Variants in DPY19L2 observed in about 807,000 individuals in gnomAD.
DPY19L2 encodes the protein probable C-mannosyltransferase DPY19L2.
DPY19L2 carries 34 observed loss-of-function variants against 97.9 expected under a neutral mutation model. The observed-to-expected ratio is 0.35, with a 90% CI of 0.26 to 0.46. The LOEUF (loss-of-function observed/expected upper bound fraction) is 0.46, where lower values mean the gene tolerates loss of function less well. Among genes scored for constraint, DPY19L2 ranks in the 20% least tolerant of loss-of-function variants. DPY19L2 has a pLI of 1.00. For synonymous variants in DPY19L2, 230 were observed against 307.9 expected (o/e 0.75, Z 2.65); for missense variants, 623 against 911.4 (o/e 0.68, Z 4.07).
At chr12:63,659,609 T>C (rs1273648450) in intron 4 of DPY19L2, among the ~76,000 whole-genome samples, 2 of 152,122 alleles carry the variant, frequency 1.3e-5, no homozygotes, top group African/African-American at 2.4e-5. Flanking sequence ...CAGTGTGGTA[T>C]TGGCATAATT....
intron 18 of DPY19L2, among the ~76,000 whole-genome samples, chr12:63,581,612 T>G (rs558659724): frequency 6.7e-6 from 1 of 149,730 alleles, no homozygotes; most frequent in African/African-American, 2.5e-5. Context: ...GCCTCCTGAG[T>G]AGCTGGGATT....
At chr12:63,597,018 G>C (rs1197555338) in intron 14 of DPY19L2, among the ~76,000 whole-genome samples, 1 of 151,954 alleles carries the variant, frequency 6.6e-6, no homozygotes, top group Non-Finnish European at 1.5e-5. Context: ...TGTCACCCAG[G>C]CTGGAGTGCA....
At chr12:63,580,346 G>A (rs1880649702) in intron 19 of DPY19L2, among the ~76,000 whole-genome samples, 2 of 152,054 alleles carry the variant, frequency 1.3e-5, no homozygotes, top group South Asian at 4.1e-4. Context: ...CATTGTTATG[G>A]TTAAAATGCT....
At chr12:63,573,587 G>A (rs1480662810) in intron 19 of DPY19L2, among the ~76,000 whole-genome samples, 2 of 152,068 alleles carry the variant, frequency 1.3e-5, no homozygotes, top group Non-Finnish European at 2.9e-5. Context: ...CAAGCACAAG[G>A]TTATAGAACA....
In DPY19L2 at chr12:63,584,832, C is replaced by A. The variant is rs368278694; in HGVS notation, c.1581-996G>T. Among the ~76,000 whole-genome samples the A allele has an allele frequency of 5.3e-5, 8 of 152,330 alleles. No homozygotes were observed. The East Asian group carries it at 1.3e-3, about 26-fold the overall frequency. ...TGAAAGTTCTCAAAAGAAAAAACAT[C>A]ATATGCTGAGGTTGCTAAGATCTAC... On this transcript the variant is annotated intron_variant, in intron 16 of 21. Transcript: ENST00000324472.
intron 4 of DPY19L2, among the ~76,000 whole-genome samples, chr12:63,655,411 A>T (rs1894835373): frequency 6.6e-6 from 1 of 152,168 alleles, no homozygotes; most frequent in South Asian, 2.1e-4. Flanking sequence ...AAATTTGCAT[A>T]GTTTCATTCA....
In DPY19L2 at chr12:63,631,441, T is replaced by C. The variant is rs4304844; in HGVS notation, c.804-4915A>G. ...TCAGAGAATACTATAAACACCTCTA[T>C]GCAAATAAACTAGAAAATCTAGAAG... is the stretch of plus-strand genomic sequence containing the variant. On this transcript the variant is annotated intron_variant, in intron 6 of 21. Coordinates refer to ENST00000324472, the MANE Select transcript of DPY19L2 (RefSeq NM_173812.5). Among the ~76,000 whole-genome samples, 194 of 152,144 alleles carry C rather than the reference T, an allele frequency of 1.3e-3. 2 individuals are homozygous for C. The highest frequency in any genetic ancestry group is 2.4e-3 in the Non-Finnish European group (162 of 67,976).
At chr12:63,597,653 A>C (rs1168577241) in intron 14 of DPY19L2, among the ~76,000 whole-genome samples, 156 bp downstream of exon 14, 3 of 151,434 alleles carry the variant, frequency 2.0e-5, no homozygotes, top group East Asian at 3.9e-4. Flanking sequence ...TTTAACAGAC[A>C]AAAAAAACAA....
chr12:63,601,854 C>A (rs1885245979), intron 12 of DPY19L2, among the ~76,000 whole-genome samples: 2 of 151,996 alleles, frequency 1.3e-5, no homozygotes, highest in African/African-American at 4.8e-5. Flanking sequence ...AAAGACTATC[C>A]ATCACTACTG....
At position 63,617,320 on chromosome 12, in the gene DPY19L2, G is replaced by T. The variant is rs770177961; in HGVS notation, c.1202C>A (p.Ser401Tyr). The change falls in exon 11 of 22, where the codon TCT (serine) becomes TAT (tyrosine). Residue 401 changes from serine (S) to tyrosine (Y), a missense_variant. Physicochemically the swap from Ser to Tyr is moderately radical, Grantham distance 144 (BLOSUM62 -2). This residue lies in a region of DPY19L2 where 294 missense variants were observed against 446.2 expected (regional missense o/e 0.66). Coordinates refer to ENST00000324472, the MANE Select transcript of DPY19L2 (RefSeq NM_173812.5). ...AACACTTACCCACGTCATTAACAAA[G>T]ATGAAGAATAATAAGAAGATAAGTA... is the stretch of plus-strand genomic sequence containing the variant. ...SMYLSSYYSS[S>Y]LLMTWAIILK... The T allele has an allele frequency of 1.3e-6, 2 of 1,594,874 alleles. No homozygotes were observed. The highest frequency in any genetic ancestry group is 2.3e-5 in the South Asian group (2 of 88,786).
intron 4 of DPY19L2, among the ~76,000 whole-genome samples, chr12:63,651,019 A>G (rs1894141560): frequency 6.6e-6 from 1 of 152,180 alleles, no homozygotes; most frequent in South Asian, 2.1e-4. Flanking sequence ...CAAGGCTACA[A>G]TAACCAAAAC....
chr12:63,630,729 T>G (rs997031366), intron 6 of DPY19L2, among the ~76,000 whole-genome samples: 3 of 152,072 alleles, frequency 2.0e-5, no homozygotes, highest in African/African-American at 7.2e-5. Context: ...AATAGACATC[T>G]ACAGAACTCT....
intron 12 of DPY19L2, among the ~76,000 whole-genome samples, chr12:63,605,522 TAC>T (rs34205048): frequency 6.6e-6 from 1 of 152,138 alleles, no homozygotes; most frequent in Non-Finnish European, 1.5e-5. Context: ...CATGATTTCA[TAC>T]ACACACACGT....
chr12:63,648,811 A>C (rs1893787097), intron 4 of DPY19L2, among the ~76,000 whole-genome samples: 1 of 152,084 alleles, frequency 6.6e-6, no homozygotes, highest in Non-Finnish European at 1.5e-5. Flanking sequence ...TCAAGTGAAA[A>C]TCACTCATCA....
intron 4 of DPY19L2, among the ~76,000 whole-genome samples, chr12:63,653,690 A>G (rs1894584135): frequency 6.6e-6 from 1 of 152,184 alleles, no homozygotes; most frequent in Admixed American, 6.5e-5. Context: ...AAACAAATCC[A>G]CACTAAAACA....
chr12:63,583,973 T>C, intron 16 of DPY19L2, 137 bp from the exon 17 acceptor site: 1 of 621,400 alleles, frequency 1.6e-6, no homozygotes, highest in Non-Finnish European at 2.7e-6. Context: ...TACATAAAAA[T>C]AAAAATATCA....
chr12:63,662,491 T>C (rs1181602016), intron 3 of DPY19L2, among the ~76,000 whole-genome samples: 1 of 150,948 alleles, frequency 6.6e-6, no homozygotes, highest in Non-Finnish European at 1.5e-5. Flanking sequence ...AGGGAAATAT[T>C]AAATATATAA....
chr12:63,650,581 A>G (rs1228416743), intron 4 of DPY19L2, among the ~76,000 whole-genome samples: 1 of 152,074 alleles, frequency 6.6e-6, no homozygotes, highest in African/African-American at 2.4e-5. Context: ...AATAGCCACA[A>G]AAAAAGTAAT....
chr12:63,590,805 A>G (rs958204568), intron 16 of DPY19L2, among the ~76,000 whole-genome samples: 1 of 152,056 alleles, frequency 6.6e-6, no homozygotes, highest in Non-Finnish European at 1.5e-5. Flanking sequence ...TATTACTACT[A>G]GCCCCTGCTA....
Sources: gnomAD v4.1 joint callset for allele counts (sites outside exome capture counted in the v4.1 genomes callset) on GRCh38, gnomAD v4.1.1 for gene constraint, gnomAD v4.1.1 regional missense constraint, MANE v1.5 for transcripts, NCBI Gene and HGNC (gene_info 2026-07-23, HGNC 2026-07-21) for gene names.